Variants in MKX observed in about 807,000 individuals in gnomAD.
MKX encodes homeobox protein Mohawk.
A neutral mutation model predicts 36.0 loss-of-function variants in MKX; 13 were observed. The observed-to-expected ratio is 0.36, with a 90% CI of 0.24 to 0.57. The LOEUF (loss-of-function observed/expected upper bound fraction) is 0.57, where lower values mean the gene tolerates loss of function less well. Among genes scored for constraint, MKX ranks in the 20% least tolerant of loss-of-function variants. The pLI is 0.79. For synonymous variants in MKX, 176 were observed against 178.3 expected (o/e 0.99, Z 0.10); for missense variants, 458 against 456.4 (o/e 1.00, Z -0.03).
intron 5 of MKX, among the ~76,000 whole-genome samples, chr10:27,689,909 G>T (rs1037859995): frequency 6.6e-6 from 1 of 152,158 alleles, no homozygotes; most frequent in Admixed American, 6.5e-5. Flanking sequence ...ACGTGGGTGA[G>T]TGGGGACAGC....
At chr10:27,711,494 T>TCTCTCC (rs1554772211) in intron 5 of MKX, among the ~76,000 whole-genome samples, 2 of 34,170 alleles carry the variant, frequency 5.9e-5, no homozygotes, top group Non-Finnish European at 1.1e-4. Context: ...TCTCTCTCTC[T>TCTCTCC]CTTCTTTCCT....
At chr10:27,727,988 C>A (rs943805865) in intron 5 of MKX, among the ~76,000 whole-genome samples, 2 of 152,148 alleles carry the variant, frequency 1.3e-5, no homozygotes, top group African/African-American at 4.8e-5. Context: ...TCCCAGATGG[C>A]CTTTGTTAGG....
At chr10:27,743,572 T>C (rs2132660897) in intron 1 of MKX, 75 bp from the exon 2 acceptor site, 2 of 811,686 alleles carry the variant, frequency 2.5e-6, no homozygotes, top group Middle Eastern at 3.7e-4. Context: ...GGCCTTGAAC[T>C]TGGCCGGGTC....
intron 5 of MKX, among the ~76,000 whole-genome samples, chr10:27,709,112 T>C (rs1335615260): frequency 6.6e-6 from 1 of 152,030 alleles, no homozygotes; most frequent in Non-Finnish European, 1.5e-5. Context: ...GATGTTGCAG[T>C]GAGCTGAAAT....
At chr10:27,720,861 C>A (rs1401088057) in intron 5 of MKX, among the ~76,000 whole-genome samples, 1 of 151,962 alleles carries the variant, frequency 6.6e-6, no homozygotes, top group Admixed American at 6.6e-5. Flanking sequence ...AGATGAGATA[C>A]TTGTGTACTT....
intron 5 of MKX, among the ~76,000 whole-genome samples, chr10:27,677,306 C>G (rs1167500090): frequency 1.3e-5 from 2 of 152,138 alleles, no homozygotes; most frequent in Non-Finnish European, 2.9e-5. Flanking sequence ...CTTTTACGCC[C>G]CCTGCCCCTG....
Position 27,677,426 on chromosome 10 carries a change from A to C in MKX, c.839-1872T>G, listed in dbSNP as rs186109431. On this transcript the variant is annotated intron_variant, in intron 5 of 6. Transcript: ENST00000419761. ...TCTAAGACAGTCACAGAACTAGAAG[A>C]GGTCTGAGAAGAATAACGTCAACAT... is the stretch of plus-strand genomic sequence containing the variant. 5.6e-3 allele frequency among the ~76,000 whole-genome samples: 856 copies of C among 152,316 alleles called. 1 individual carries two copies. Among genetic ancestry groups the C allele is most frequent in the Middle Eastern group, 0.024 (7 of 294 alleles).
intron 5 of MKX, among the ~76,000 whole-genome samples, chr10:27,713,827 T>TAATAA (rs1388762040): frequency 2.0e-5 from 3 of 152,018 alleles, no homozygotes; most frequent in Non-Finnish European, 2.9e-5. Context: ...ATACCATGGA[T>TAATAA]GTTATTGCCC....
In MKX at chr10:27,711,481, TTC is replaced by T. The variant is rs1439624521; in HGVS notation, c.838+22973_838+22974del. Reference sequence around the variant, plus strand: ...TTTCTTTCTTTCTTTCTTTCTTTCTTTCTCTCTCTCTCTCTTCTTTCCTTCCT... The same window carrying T: ...TTTCTTTCTTTCTTTCTTTCTTTCTTTCTCTCTCTCTCTTCTTTCCTTCCT... On this transcript the variant is annotated intron_variant, in intron 5 of 6. Coordinates refer to ENST00000419761, the MANE Select transcript of MKX (RefSeq NM_173576.3). Among the ~76,000 whole-genome samples the T allele has an allele frequency of 2.1e-3, 38 of 17,680 alleles. 2 individuals are homozygous for T. The highest frequency in any genetic ancestry group is 5.6e-3 in the African/African-American group (35 of 6,276). The allele number at this position is 17,680 out of a possible 152,430, so 11.6% of individuals were successfully genotyped here.
chr10:27,710,697 C>T (rs1836835669), intron 5 of MKX, among the ~76,000 whole-genome samples: 1 of 152,134 alleles, frequency 6.6e-6, no homozygotes, highest in African/African-American at 2.4e-5. Context: ...CTTGCTCTGT[C>T]ACCCAATCTG....
In MKX at chr10:27,742,459, C is replaced by A. The variant is rs12267176; in HGVS notation, c.188+769G>T. Among the ~76,000 whole-genome samples the A allele has an allele frequency of 0.049, 7,513 of 152,210 alleles. 596 individuals carry two copies. Among genetic ancestry groups the A allele is most frequent in the African/African-American group, 0.17 (6,954 of 41,516 alleles). On this transcript the variant is annotated intron_variant, in intron 2 of 6. Coordinates refer to ENST00000419761, the MANE Select transcript of MKX (RefSeq NM_173576.3). The surrounding 1 kb of genome is among the most constrained non-coding windows in gnomAD (Gnocchi z 4.2). ...GAATCTCTGTTTTACTAAGCAGCGA[C>A]GCCGCAGAACAAGCAGCTGATGCAA...
chr10:27,735,150 A>T (rs932667966), intron 4 of MKX, 71 bp downstream of exon 4: 3 of 1,417,750 alleles, frequency 2.1e-6, no homozygotes, highest in Non-Finnish European at 2.8e-6. Flanking sequence ...GAGCAACCTT[A>T]AAAATAGCAA....
chr10:27,701,528 TTGTA>T (rs1276836065), intron 5 of MKX, among the ~76,000 whole-genome samples: 3 of 145,600 alleles, frequency 2.1e-5, no homozygotes, highest in Non-Finnish European at 4.5e-5. Flanking sequence ...TTTAATATCT[TTGTA>T]TGTTTATTTA....
intron 5 of MKX, among the ~76,000 whole-genome samples, chr10:27,696,084 T>G (rs1836548741): frequency 6.6e-6 from 1 of 152,206 alleles, no homozygotes; most frequent in African/African-American, 2.4e-5. Context: ...CCTTGTTTAC[T>G]GCTAATCAGT....
At chr10:27,735,136 G>T in intron 4 of MKX, 85 bp downstream of exon 4, 1 of 1,318,316 alleles carries the variant, frequency 7.6e-7, no homozygotes, top group Non-Finnish European at 1.0e-6. Context: ...ATCATATTTT[G>T]TGAGAGCAAC....
chr10:27,680,737 C>T (rs977416666), intron 5 of MKX, among the ~76,000 whole-genome samples: 7 of 151,786 alleles, frequency 4.6e-5, no homozygotes, highest in Admixed American at 1.3e-4. Context: ...GCCACTGAAA[C>T]GTAAGTAAAA....
intron 5 of MKX, among the ~76,000 whole-genome samples, chr10:27,720,278 C>T (rs1469963203): frequency 6.6e-6 from 1 of 150,970 alleles, no homozygotes; most frequent in African/African-American, 2.4e-5. Context: ...ATTCAATAAG[C>T]CTAACATAAC....
rs1836672204 is a variant in MKX at position 27,702,267 on chromosome 10, G to A, written c.839-26713C>T. 4.6e-5 allele frequency among the ~76,000 whole-genome samples: 7 copies of A among 152,164 alleles called. No individual in the cohort carries two copies. In the South Asian group the frequency reaches 1.4e-3, roughly 31 times the overall value. ...CCCAGCTGGATACGAGGTCCTAAGA[G>A]AGAGAGCTGTCTAAATACGAAGGTT... is the stretch of plus-strand genomic sequence containing the variant. On this transcript the variant is annotated intron_variant, in intron 5 of 6. Coordinates refer to ENST00000419761, the MANE Select transcript of MKX (RefSeq NM_173576.3).
intron 4 of MKX, 63 bp downstream of exon 4, chr10:27,735,158 C>T: frequency 6.9e-7 from 1 of 1,439,426 alleles, no homozygotes; most frequent in Non-Finnish European, 9.2e-7. Flanking sequence ...TTAAAAATAG[C>T]AATTATGGTG....
Sources: allele counts gnomAD v4.1 joint callset (sites outside exome capture counted in the v4.1 genomes callset), GRCh38; gene constraint gnomAD v4.1.1; non-coding constraint Gnocchi (gnomAD v3.1); transcripts MANE v1.5; gene names NCBI Gene and HGNC (gene_info 2026-07-23, HGNC 2026-07-21).